The following KCNN2 variants were observed in gnomAD, a reference collection of about 807,000 sequenced individuals.
The protein encoded by KCNN2 is small conductance calcium-activated potassium channel protein 2.
In KCNN2, 24 loss-of-function variants were observed where a neutral mutation model predicts 55.5. The ratio of observed to expected loss-of-function variants is 0.43; its 90% CI spans 0.31 to 0.61. The LOEUF (loss-of-function observed/expected upper bound fraction) is 0.61, where lower values mean the gene tolerates loss of function less well. KCNN2 is among the 20% of genes least tolerant of loss of function. The pLI is 0.08. For synonymous variants in KCNN2, 431 were observed against 336.1 expected, an observed-to-expected ratio of 1.28 and a Z score of -3.09; for missense variants, 754 against 853.6, an observed-to-expected ratio of 0.88 and a Z score of 1.45.
chr5:114,191,616 G>A (rs76385818), intron 1 of KCNN2, among the ~76,000 whole-genome samples: 4,533 of 152,244 alleles, frequency 0.03, 235 homozygotes, highest in African/African-American at 0.1. Context: ...CATTGGGCCA[G>A]TACAGCAGTC....
At position 114,495,885 on chromosome 5, in the gene KCNN2, TG is replaced by T. The variant is rs1561420991; in HGVS notation, c.2089-9del. The T allele has an allele frequency of 1.9e-6, 3 of 1,610,102 alleles. No homozygotes were observed. The Admixed American group carries it at 5.0e-5, about 27-fold the overall frequency. On this transcript the variant is annotated splice_polypyrimidine_tract_variant and intron_variant, in intron 7 of 7. Transcript: ENST00000673685. ...GTATAATTAACCTTCTTCTCAATCCTGTTTTTCAGACCCAGAACATCATGTA... is the reference window on the plus strand; with the variant it reads ...GTATAATTAACCTTCTTCTCAATCCTTTTTTCAGACCCAGAACATCATGTA...
intron 2 of KCNN2, among the ~76,000 whole-genome samples, chr5:114,288,932 A>G (rs569777529): frequency 1.3e-5 from 2 of 152,166 alleles, no homozygotes; most frequent in South Asian, 4.1e-4. Flanking sequence ...ATGTATTGCC[A>G]AAACCCAGAT....
At chr5:114,420,550 G>A (rs1473134363) in intron 3 of KCNN2, among the ~76,000 whole-genome samples, 1 of 152,160 alleles carries the variant, frequency 6.6e-6, no homozygotes, top group African/African-American at 2.4e-5. Flanking sequence ...TCTCTACTAA[G>A]ACCTCTTATG....
chr5:114,492,261 C>T (rs1317856352), intron 6 of KCNN2, among the ~76,000 whole-genome samples: 2 of 152,116 alleles, frequency 1.3e-5, no homozygotes, highest in African/African-American at 4.8e-5. Flanking sequence ...GCAGTAAAAT[C>T]TTGCCCTGTG....
chr5:114,209,968 C>T lies in KCNN2; in HGVS notation c.-270-11512C>T, dbSNP rs374772524. On this transcript the variant is annotated intron_variant, in intron 1 of 10. Coordinates refer to the KCNN2 transcript ENST00000512097. The stretch of plus-strand genomic sequence containing the variant: ...CAGTGCTTTCATTATTGTTCATAGA[C>T]AGGTGGAGAGCAGCAAAAAATTTGA... 2.0e-5 allele frequency among the ~76,000 whole-genome samples: 3 copies of T among 152,140 alleles called. No homozygotes were observed. In the East Asian group the frequency reaches 5.8e-4, roughly 29 times the overall value.
At chr5:114,339,308 C>A (rs899538287) in intron 2 of KCNN2, among the ~76,000 whole-genome samples, 6 of 152,196 alleles carry the variant, frequency 3.9e-5, no homozygotes, top group African/African-American at 1.2e-4. Context: ...TACTGTCAAC[C>A]TTTACACCCT....
At chr5:114,133,329 G>T (rs1752107802) in intron 1 of KCNN2, among the ~76,000 whole-genome samples, 1 of 152,100 alleles carries the variant, frequency 6.6e-6, no homozygotes, top group Non-Finnish European at 1.5e-5. Context: ...ATGTGATTTA[G>T]CTGTCCTTTT....
At position 114,250,434 on chromosome 5, in the gene KCNN2, G is replaced by C. The variant is rs546168020; in HGVS notation, c.-185+28869G>C. Among the ~76,000 whole-genome samples the C allele has an allele frequency of 1.8e-4, 28 of 152,304 alleles. No homozygotes were observed. In the South Asian group the frequency reaches 5.0e-3, roughly 27 times the overall value. ...TTGAGGAGTAGAGAGTGCTCGCCTA[G>C]TGTTGAGCTCATTTTCAAAGGTTCT... On this transcript the variant is annotated intron_variant, in intron 2 of 10. Transcript: ENST00000512097.
At chr5:114,123,509 C>T (rs1186532056) in intron 1 of KCNN2, among the ~76,000 whole-genome samples, 1 of 119,238 alleles carries the variant, frequency 8.4e-6, no homozygotes, top group Non-Finnish European at 1.7e-5. Context: ...ACTACAGGCG[C>T]CCGCCACCAC....
intron 4 of KCNN2, among the ~76,000 whole-genome samples, chr5:114,467,408 A>G (rs1374875774): frequency 6.6e-6 from 1 of 152,224 alleles, no homozygotes; most frequent in Non-Finnish European, 1.5e-5. Flanking sequence ...CAAAACACTC[A>G]AGGATTTTTA....
intron 1 of KCNN2, among the ~76,000 whole-genome samples, chr5:114,174,941 C>T (rs976480983): frequency 2.0e-5 from 3 of 152,140 alleles, no homozygotes; most frequent in African/African-American, 7.2e-5. Context: ...GTGAGTTGTG[C>T]TGTGTCCTCC....
intron 1 of KCNN2, among the ~76,000 whole-genome samples, chr5:114,095,781 A>G (rs992907812): frequency 1.3e-5 from 2 of 152,124 alleles, no homozygotes; most frequent in Non-Finnish European, 2.9e-5. Context: ...TACTTGCCTT[A>G]GACATATCTC....
At chr5:114,177,953 C>A (rs796376012) in intron 1 of KCNN2, among the ~76,000 whole-genome samples, 1 of 152,040 alleles carries the variant, frequency 6.6e-6, no homozygotes, top group Non-Finnish European at 1.5e-5. Context: ...AATTCAGAAA[C>A]CTGTGTTACG....
intron 3 of KCNN2, among the ~76,000 whole-genome samples, chr5:114,438,264 A>G (rs990922820): frequency 6.6e-6 from 1 of 152,150 alleles, no homozygotes; most frequent in African/African-American, 2.4e-5. Context: ...TGAAAGTTTT[A>G]CATAATGAGA....
At chr5:114,313,030 A>G (rs1756436471) in intron 2 of KCNN2, among the ~76,000 whole-genome samples, 1 of 152,132 alleles carries the variant, frequency 6.6e-6, no homozygotes, top group Non-Finnish European at 1.5e-5. Context: ...TGATCTCTGT[A>G]GAAAAAGGAA....
chr5:114,090,830 T>A (rs532767934), intron 1 of KCNN2, among the ~76,000 whole-genome samples: 1 of 152,044 alleles, frequency 6.6e-6, no homozygotes, highest in Non-Finnish European at 1.5e-5. Flanking sequence ...CAGTTTTCCG[T>A]TGGAGAATCT....
At chr5:114,161,641 A>G (rs1023322388) in intron 1 of KCNN2, among the ~76,000 whole-genome samples, 10 of 152,168 alleles carry the variant, frequency 6.6e-5, no homozygotes, top group African/African-American at 1.4e-4. Flanking sequence ...AGGTACACCA[A>G]TCAGACGTAG....
chr5:114,071,131 TAAA>T (rs1750560303), intron 1 of KCNN2, among the ~76,000 whole-genome samples: 1 of 152,176 alleles, frequency 6.6e-6, no homozygotes, highest in African/African-American at 2.4e-5. Context: ...TCTGGCTAAT[TAAA>T]GAAGGAAGAA....
intron 5 of KCNN2, 162 bp downstream of exon 5, chr5:114,473,326 ATTTCTACCTTGAGGTCAG>A: frequency 1.6e-6 from 1 of 615,250 alleles, no homozygotes; most frequent in Non-Finnish European, 2.9e-6. Flanking sequence ...AGAATAGACT[ATTTCTACCTTGAGGTCAG>A]TTAGGAAGTA....
Sources: gnomAD v4.1 joint callset for allele counts (sites outside exome capture counted in the v4.1 genomes callset) on GRCh38, gnomAD v4.1.1 for gene constraint, MANE v1.5 for transcripts, NCBI Gene and HGNC (gene_info 2026-07-23, HGNC 2026-07-21) for gene names.